Variants in FKBP15 observed in about 807,000 individuals in gnomAD.
The protein encoded by FKBP15 is FKBP prolyl isomerase family member 15.
A neutral mutation model predicts 158.1 loss-of-function variants in FKBP15; 106 were observed. The observed-to-expected ratio is 0.67, with a 90% CI of 0.57 to 0.79. The LOEUF is 0.79. Among genes scored for constraint, FKBP15 ranks in the 30% least tolerant of loss-of-function variants. The probability of loss-of-function intolerance (pLI) is 0.00; values close to 1 mark genes in which losing one functional copy is unlikely to be tolerated. For synonymous variants in FKBP15, 547 were observed against 548.6 expected (o/e 1.00, Z 0.04); for missense variants, 1,287 against 1,479.1 (o/e 0.87, Z 2.13).
intron 24 of FKBP15, 111 bp downstream of exon 24, chr9:113,171,470 A>C: frequency 7.5e-7 from 1 of 1,331,868 alleles, no homozygotes; most frequent in East Asian, 2.5e-5. Flanking sequence ...TCATCAGACA[A>C]GTAAAACATC....
rs1830213495 is a variant in FKBP15 at position 113,171,723 on chromosome 9, C to T, written c.2533-17G>A. 1 of 1,493,080 alleles carries T rather than the reference C, an allele frequency of 6.7e-7. No individual in the cohort carries two copies. The highest frequency in any genetic ancestry group is 1.8e-5 in the African/African-American group (1 of 54,652). 92.5% of individuals were successfully genotyped at this position (1,493,080 alleles called of 1,614,324 possible). A position where few individuals can be genotyped will look rare whatever the true frequency, so the allele number is the denominator to read the frequency against. ...GGCTAAACACTGCAAAACAAACAGA[C>T]TGTGGCTGTGGCCTCAGGAACCAGG... On this transcript the variant is annotated splice_polypyrimidine_tract_variant and intron_variant, in intron 23 of 27. Transcript: ENST00000238256.
intron 19 of FKBP15, 115 bp downstream of exon 19, chr9:113,182,651 T>C (rs1830418900): frequency 2.7e-6 from 2 of 749,804 alleles, no homozygotes; most frequent in Non-Finnish European, 4.7e-6. Context: ...TATCTAGTTC[T>C]TTTTGCAGTG....
Position 113,169,628 on chromosome 9 carries a change from G to T in FKBP15, c.3081C>A (p.Pro1027=). The change falls in exon 26 of 28, where the codon CCC becomes CCA. Residue 1027 remains proline, a synonymous_variant. Coordinates refer to ENST00000238256, the MANE Select transcript of FKBP15 (RefSeq NM_015258.2). ...LSEIKDGSLP[P]ELSCIPSHRV... is the part of the protein sequence containing the mutation. ...TGTGGGATGGGATGCAAGACAGTTC[G>T]GGTGGAAGGGAACCATCTTTTATCT... is the stretch of plus-strand genomic sequence containing the variant. 1 of 1,613,996 alleles carries T rather than the reference G, an allele frequency of 6.2e-7. No homozygotes were observed. The highest frequency in any genetic ancestry group is 8.5e-7 in the Non-Finnish European group (1 of 1,179,884).
At chr9:113,193,352 T>A (rs1389433351) in intron 11 of FKBP15, 140 bp downstream of exon 11, 14 of 500,674 alleles carry the variant, frequency 2.8e-5, no homozygotes, top group East Asian at 1.3e-4. Context: ...TTTTTTTTTT[T>A]AAAGGAGAGA....
At chr9:113,217,235 C>T (rs1448048691) in intron 1 of FKBP15, among the ~76,000 whole-genome samples, 7 of 111,022 alleles carry the variant, frequency 6.3e-5, no homozygotes, top group African/African-American at 1.5e-4. Context: ...TTTAATGAGA[C>T]GGAGTCTTGC....
intron 3 of FKBP15, 110 bp from the exon 4 acceptor site, chr9:113,206,688 A>G (rs1830893496): frequency 2.9e-6 from 2 of 682,312 alleles, no homozygotes; most frequent in Non-Finnish European, 2.4e-6. Context: ...GCCTCTAGGC[A>G]GGGACACAGG....
At position 113,193,536 on chromosome 9, in the gene FKBP15, G is replaced by A. The variant is rs375529706; in HGVS notation, c.1021C>T (p.Arg341Cys). 38 of 1,598,600 alleles carry A rather than the reference G, an allele frequency of 2.4e-5. No individual in the cohort carries two copies. In the South Asian group the frequency reaches 4.0e-4, roughly 17 times the overall value. ...IPFKSGEPAL[R>C]TKSNSLSEQL... ...TCACTGAGGGAGTTAGATTTGGTAC[G>A]AAGAGCTGGCTCCCTGAAAGCAAAT... Residue 341 changes from arginine (R) to cysteine (C), a missense_variant, in exon 11 of 28, where the codon CGT (arginine) becomes TGT (cysteine). Transcript: ENST00000238256.
chr9:113,191,179 T>C (rs1478112037), intron 11 of FKBP15, among the ~76,000 whole-genome samples: 1 of 148,156 alleles, frequency 6.7e-6, no homozygotes, highest in East Asian at 1.9e-4. Flanking sequence ...TTTATTATTA[T>C]TACTTTTTTT....
In FKBP15 at chr9:113,166,090, G is replaced by A. The variant is rs756253778; in HGVS notation, c.3648C>T (p.Asp1216=). 7 of 1,613,566 alleles carry A rather than the reference G, an allele frequency of 4.3e-6. No homozygotes were observed. Among genetic ancestry groups the A allele is most frequent in the Non-Finnish European group, 5.9e-6 (7 of 1,179,726 alleles). ...GTTTCCTGGGTCTTCATCCCAGCCA[G>A]TCAATGTCATCGTCATCATCATCAT... ...FGDDDDDDDI[D]WLG is the part of the protein sequence containing the mutation. Residue 1216 remains aspartate, a synonymous_variant, in exon 28 of 28, where the codon GAC becomes GAT. Transcript: ENST00000238256.
At chr9:113,178,374 A>C (rs537635292) in intron 20 of FKBP15, among the ~76,000 whole-genome samples, 1 of 152,330 alleles carries the variant, frequency 6.6e-6, no homozygotes, top group African/African-American at 2.4e-5. Flanking sequence ...AATCATAAGT[A>C]CCAAAGATTT....
chr9:113,187,778 G>A lies in FKBP15; in HGVS notation c.1383+15C>T. The A allele has an allele frequency of 1.9e-6, 3 of 1,582,786 alleles. No homozygotes were observed. The highest frequency in any genetic ancestry group is 2.2e-5 in the East Asian group (1 of 44,684). On this transcript the variant is annotated intron_variant, in intron 14 of 27. Transcript: ENST00000238256. ...CAAATTATAGGATATAATTAATACGGTTATAAAATGTTACCTGAAAGGATT... is the reference window on the plus strand; with the variant it reads ...CAAATTATAGGATATAATTAATACGATTATAAAATGTTACCTGAAAGGATT...
rs1830338329 is a variant in FKBP15 at position 113,178,620 on chromosome 9, T to A, written c.2086+10A>T. ...GGCAACAATCCCAGCATCCCCCACC[T>A]AGCACATACCTGAGAGCTTTGCCTG... On this transcript the variant is annotated intron_variant, in intron 20 of 27. Transcript: ENST00000238256. 1 of 1,603,514 alleles carries A rather than the reference T, an allele frequency of 6.2e-7. No individual in the cohort carries two copies. The highest frequency in any genetic ancestry group is 8.5e-7 in the Non-Finnish European group (1 of 1,175,698).
chr9:113,212,521 GT>G (rs1245911717), intron 1 of FKBP15, among the ~76,000 whole-genome samples: 1 of 152,040 alleles, frequency 6.6e-6, no homozygotes, highest in Non-Finnish European at 1.5e-5. Context: ...ACTAACCCCA[GT>G]TTACCAGTCC....
chr9:113,169,660 G>A lies in FKBP15; in HGVS notation c.3049C>T (p.Leu1017Phe). The A allele has an allele frequency of 1.2e-6, 2 of 1,613,992 alleles. No individual in the cohort carries two copies. The highest frequency in any genetic ancestry group is 1.3e-5 in the African/African-American group (1 of 75,024). The change falls in exon 26 of 28, where the codon CTC becomes TTC. Residue 1017 changes from leucine (L) to phenylalanine (F), a missense_variant. Transcript: ENST00000238256. ...AGGGAACCATCTTTTATCTCTGAGAGTGCCTCAGCTTCTGAGTCCCCTTTC... is the reference window on the plus strand; with the variant it reads ...AGGGAACCATCTTTTATCTCTGAGAATGCCTCAGCTTCTGAGTCCCCTTTC... ...RRKGDSEAEA[L>F]SEIKDGSLPP...
intron 11 of FKBP15, among the ~76,000 whole-genome samples, chr9:113,190,826 T>C (rs999066817): frequency 6.6e-6 from 1 of 152,256 alleles, no homozygotes; most frequent in Admixed American, 6.5e-5. Context: ...CATTGCCTCA[T>C]TTCAATCAAG....
rs1379478319 is a variant in FKBP15, at chr9:113,187,832, A to T, written c.1344T>A (p.Asp448Glu). The T allele has an allele frequency of 6.2e-7, 1 of 1,613,988 alleles. No homozygotes were observed. The highest frequency in any genetic ancestry group is 8.5e-7 in the Non-Finnish European group (1 of 1,179,854). Residue 448 changes from aspartate (D) to glutamate (E), a missense_variant, in exon 14 of 28, where the codon GAT becomes GAA. Coordinates refer to ENST00000238256, the MANE Select transcript of FKBP15 (RefSeq NM_015258.2). Reference protein sequence around the residue: ...SAALMQVSSLDSHSAVSGNAQ... With the variant: ...SAALMQVSSLESHSAVSGNAQ... ...CATTTCCAGATACAGCTGAGTGGGA[A>T]TCGAGAGATGACACTTGCATTAAGG...
intron 1 of FKBP15, among the ~76,000 whole-genome samples, chr9:113,217,216 T>G (rs964547293): frequency 6.2e-5 from 9 of 144,586 alleles, no homozygotes; most frequent in Non-Finnish European, 1.2e-4. Context: ...TTTTTTTTTT[T>G]TTTTTTTTTT....
chr9:113,192,877 A>G (rs980923848), intron 11 of FKBP15, among the ~76,000 whole-genome samples: 1 of 152,210 alleles, frequency 6.6e-6, no homozygotes, highest in African/African-American at 2.4e-5. Context: ...AACCACTAAC[A>G]CAATCCTCTG....
At chr9:113,177,164 A>T (rs1217492340) in intron 20 of FKBP15, among the ~76,000 whole-genome samples, 3 of 152,196 alleles carry the variant, frequency 2.0e-5, no homozygotes, top group Non-Finnish European at 4.4e-5. Context: ...GATAACTCTC[A>T]TAAGTCCATT....
Sources: allele counts gnomAD v4.1 joint callset (sites outside exome capture counted in the v4.1 genomes callset), GRCh38; gene constraint gnomAD v4.1.1; transcripts MANE v1.5; gene names NCBI Gene and HGNC (gene_info 2026-07-23, HGNC 2026-07-21).